Variants in CREB3L2 observed in about 807,000 individuals in gnomAD.
CREB3L2 encodes cAMP responsive element binding protein 3 like 2.
A neutral mutation model predicts 57.2 loss-of-function variants in CREB3L2; 23 were observed. The ratio of observed to expected loss-of-function variants is 0.40; its 90% confidence interval spans 0.29 to 0.57. CREB3L2 has a LOEUF of 0.57. CREB3L2 is among the 20% of genes least tolerant of loss of function. CREB3L2 has a pLI of 0.42. For missense variants in CREB3L2, 628 were observed against 634.7 expected (o/e 0.99, Z 0.11); for synonymous variants, 268 against 265.1 (o/e 1.01, Z -0.11).
intron 8 of CREB3L2, among the ~76,000 whole-genome samples, chr7:137,890,230 G>C (rs1190838307): frequency 6.6e-6 from 1 of 152,030 alleles, no homozygotes; most frequent in Non-Finnish European, 1.5e-5. Context: ...AAACCATCAG[G>C]GCAAATAAAT....
In CREB3L2 at chr7:137,966,365, A is replaced by G. The variant is rs1585663876; in HGVS notation, c.102+35239T>C. Among the ~76,000 whole-genome samples the G allele has an allele frequency of 2.0e-5, 3 of 152,356 alleles. No homozygotes were observed. In the South Asian group the frequency reaches 6.2e-4, roughly 32 times the overall value. On this transcript the variant is annotated intron_variant, in intron 1 of 11. Coordinates refer to ENST00000330387, the MANE Select transcript of CREB3L2 (RefSeq NM_194071.4). ...GATGCACTTTCAGAAAGCAGGTTAA[A>G]AAAAGCAAATTCAGTCAACAAAGAA...
At chr7:137,915,640 T>C (rs529644092) in intron 3 of CREB3L2, among the ~76,000 whole-genome samples, 197 bp downstream of exon 3, 45 of 152,290 alleles carry the variant, frequency 3.0e-4, no homozygotes, top group African/African-American at 9.9e-4. Flanking sequence ...TTCCGAACAA[T>C]GGCTTTAAAG....
At chr7:137,991,098 A>G (rs1801885399) in intron 1 of CREB3L2, among the ~76,000 whole-genome samples, 1 of 152,222 alleles carries the variant, frequency 6.6e-6, no homozygotes, top group Non-Finnish European at 1.5e-5. Flanking sequence ...TGCCCAAATG[A>G]AATACACAAT....
intron 1 of CREB3L2, among the ~76,000 whole-genome samples, chr7:137,959,994 C>T (rs766915613): frequency 1.2e-4 from 18 of 152,282 alleles, no homozygotes; most frequent in Non-Finnish European, 2.5e-4. Flanking sequence ...GGCTTCATGT[C>T]TCCATTGTAC....
intron 8 of CREB3L2, among the ~76,000 whole-genome samples, chr7:137,887,069 G>A (rs187409971): frequency 2.6e-5 from 4 of 152,208 alleles, no homozygotes; most frequent in Admixed American, 2.6e-4. Flanking sequence ...AAGGATTCTC[G>A]GAAAATGTGT....
intron 1 of CREB3L2, among the ~76,000 whole-genome samples, chr7:137,959,330 C>A (rs952828259): frequency 6.6e-6 from 1 of 152,206 alleles, no homozygotes; most frequent in African/African-American, 2.4e-5. Context: ...CAAGACAGGA[C>A]TAGTCTCTGG....
chr7:137,902,458 G>GGTGC (rs1452102747), intron 7 of CREB3L2, among the ~76,000 whole-genome samples: 1 of 152,144 alleles, frequency 6.6e-6, no homozygotes, highest in Non-Finnish European at 1.5e-5. Flanking sequence ...TAGGAATCCT[G>GGTGC]GTGCTGGGGC....
chr7:137,885,141 G>C lies in CREB3L2; in HGVS notation c.1144-20C>G, dbSNP rs1420916156. 1 of 1,613,334 alleles carries C rather than the reference G, an allele frequency of 6.2e-7. No homozygotes were observed. Among genetic ancestry groups the C allele is most frequent in the Non-Finnish European group, 8.5e-7 (1 of 1,179,636 alleles). On this transcript the variant is annotated intron_variant, in intron 9 of 11. Transcript: ENST00000330387. ...CACAACCTGTGGGAGAGAAAGAGGG[G>C]AGAGAGAACACGAGGGGCTGTGGAC...
intron 1 of CREB3L2, among the ~76,000 whole-genome samples, chr7:137,932,909 G>A (rs1800685150): frequency 6.6e-6 from 1 of 152,144 alleles, no homozygotes; most frequent in African/African-American, 2.4e-5. Flanking sequence ...ATTACCTGGG[G>A]CTCCTAAGCC....
Position 138,001,558 on chromosome 7 carries a change from C to T in CREB3L2, c.102+46G>A, listed in dbSNP as rs551272202. On this transcript the variant is annotated intron_variant, in intron 1 of 11. Transcript: ENST00000330387. The surrounding 1 kb of genome is among the most constrained non-coding windows in gnomAD (Gnocchi z 4.2). The stretch of plus-strand genomic sequence containing the variant: ...TCCAGCTGCTCCTCGCGTGACAACA[C>T]TTGCCCGCTTTGAAAGCCCTCCTGC... 7 of 1,460,286 alleles carry T rather than the reference C, an allele frequency of 4.8e-6. No homozygotes were observed. The highest frequency in any genetic ancestry group is 2.3e-5 in the East Asian group (1 of 42,954). 90.5% of individuals were successfully genotyped at this position (1,460,286 alleles called of 1,614,324 possible).
intron 1 of CREB3L2, among the ~76,000 whole-genome samples, chr7:137,949,273 G>A (rs1452065350): frequency 6.6e-6 from 1 of 152,234 alleles, no homozygotes; most frequent in East Asian, 1.9e-4. Flanking sequence ...GGGCAATCCA[G>A]CAGTTGGGAT....
intron 1 of CREB3L2, among the ~76,000 whole-genome samples, chr7:137,969,651 T>C (rs577931957): frequency 1.2e-4 from 18 of 151,880 alleles, no homozygotes; most frequent in African/African-American, 3.9e-4. Flanking sequence ...GCGTCCGGCC[T>C]ATGATTTTCA....
intron 5 of CREB3L2, among the ~76,000 whole-genome samples, chr7:137,906,456 AT>A (rs1256305933): frequency 1.3e-5 from 2 of 152,196 alleles, no homozygotes; most frequent in African/African-American, 4.8e-5. Flanking sequence ...CATGTTTATA[AT>A]TAATCAAACA....
chr7:137,966,663 T>G (rs894993658), intron 1 of CREB3L2, among the ~76,000 whole-genome samples: 1 of 152,112 alleles, frequency 6.6e-6, no homozygotes. Context: ...TAAGGAAATT[T>G]TAAAAAGAAA....
chr7:137,936,050 A>G (rs1800775278), intron 1 of CREB3L2: 1 of 427,382 alleles, frequency 2.3e-6, no homozygotes, highest in African/African-American at 2.1e-5. Flanking sequence ...AGGATTCATA[A>G]TTCTTTAGTT....
At chr7:137,989,431 A>AG (rs1801847845) in intron 1 of CREB3L2, among the ~76,000 whole-genome samples, 2 of 66,368 alleles carry the variant, frequency 3.0e-5, no homozygotes, top group East Asian at 1.1e-3. Context: ...GCTTTTCTCC[A>AG]GTTTTTTTTT....
chr7:137,890,515 T>C (rs1249110927), intron 8 of CREB3L2, among the ~76,000 whole-genome samples: 1 of 152,224 alleles, frequency 6.6e-6, no homozygotes, highest in Non-Finnish European at 1.5e-5. Flanking sequence ...TATGTGCCTT[T>C]AATCAAGTTA....
At chr7:137,886,602 C>T (rs1020080095) in intron 8 of CREB3L2, among the ~76,000 whole-genome samples, 1 of 152,026 alleles carries the variant, frequency 6.6e-6, no homozygotes, top group African/African-American at 2.4e-5. Flanking sequence ...ACGAAGCCAA[C>T]ATATGAAAGA....
intron 7 of CREB3L2, among the ~76,000 whole-genome samples, chr7:137,902,570 C>T (rs759007717): frequency 1.4e-4 from 22 of 152,126 alleles, no homozygotes; most frequent in East Asian, 1.2e-3. Flanking sequence ...AGTCTTCCCA[C>T]GGTATTCAGG....
Sources: allele counts gnomAD v4.1 joint callset (sites outside exome capture counted in the v4.1 genomes callset), GRCh38; gene constraint gnomAD v4.1.1; non-coding constraint Gnocchi (gnomAD v3.1); transcripts MANE v1.5; gene names NCBI Gene and HGNC (gene_info 2026-07-23, HGNC 2026-07-21).